The following HECW2 variants were observed in gnomAD, a reference collection of about 807,000 sequenced individuals.
The protein encoded by HECW2 is HECT, C2 and WW domain containing E3 ubiquitin protein ligase 2.
In HECW2, 61 loss-of-function variants were observed where a neutral mutation model predicts 175.2. The ratio of observed to expected loss-of-function variants is 0.35; its 90% CI spans 0.28 to 0.43. HECW2 has a LOEUF of 0.43. HECW2 is among the 20% of genes least tolerant of loss of function. The probability of loss-of-function intolerance (pLI) is 1.00; values close to 1 mark genes in which losing one functional copy is unlikely to be tolerated. For missense variants in HECW2, 1,524 were observed against 2,000.5 expected, an observed-to-expected ratio of 0.76 and a Z score of 4.54; for synonymous variants, 671 against 731.0, an observed-to-expected ratio of 0.92 and a Z score of 1.32.
At chr2:196,449,816 T>A (rs1036294289) in intron 1 of HECW2, among the ~76,000 whole-genome samples, 2 of 150,728 alleles carry the variant, frequency 1.3e-5, no homozygotes, top group Non-Finnish European at 2.9e-5. Context: ...CACTTATCCA[T>A]TACCTCATTA....
intron 1 of HECW2, among the ~76,000 whole-genome samples, chr2:196,454,648 G>T (rs531858000): frequency 6.6e-6 from 1 of 152,152 alleles, no homozygotes; most frequent in Non-Finnish European, 1.5e-5. Flanking sequence ...GTGCAGAGAA[G>T]GTAGCTATTT....
At chr2:196,527,756 G>A (rs780511336) in intron 1 of HECW2, among the ~76,000 whole-genome samples, 2 of 152,202 alleles carry the variant, frequency 1.3e-5, no homozygotes, top group East Asian at 1.9e-4. Flanking sequence ...AGCACGCTTT[G>A]AACCATATTT....
intron 17 of HECW2, among the ~76,000 whole-genome samples, chr2:196,269,819 G>A (rs1234065078): frequency 6.6e-6 from 1 of 152,180 alleles, no homozygotes; most frequent in Non-Finnish European, 1.5e-5. Context: ...ATAGTGTCAA[G>A]ACCAAAGGTT....
At chr2:196,351,802 T>C (rs1292293280) in intron 2 of HECW2, among the ~76,000 whole-genome samples, 3 of 152,236 alleles carry the variant, frequency 2.0e-5, no homozygotes, top group African/African-American at 7.2e-5. Flanking sequence ...GGGAATTAGA[T>C]GCCTGTCTGG....
At chr2:196,592,733 C>G (rs1691248368) in intron 1 of HECW2, 1 of 152,168 alleles carries the variant, frequency 6.6e-6, no homozygotes, top group Non-Finnish European at 1.5e-5. Context: ...AAAGCCACCT[C>G]CCGCCGTCCG....
intron 19 of HECW2, among the ~76,000 whole-genome samples, chr2:196,251,116 T>C (rs1688836633): frequency 6.6e-6 from 1 of 152,120 alleles, no homozygotes; most frequent in Non-Finnish European, 1.5e-5. Context: ...CATGGCTCCC[T>C]GCAGGCTTGA....
chr2:196,475,990 T>C lies in HECW2; in HGVS notation c.-35-42532A>G, dbSNP rs146554019. ...TCGGACCCGCTGTGCCTCACCATGT[T>C]CATCTAGCATAGGACCCTCAATACA... On this transcript the variant is annotated intron_variant, in intron 1 of 28. Transcript: ENST00000644978. 5.9e-4 allele frequency among the ~76,000 whole-genome samples: 90 copies of C among 152,326 alleles called. No homozygotes were observed. The East Asian group carries it at 9.2e-3, about 16-fold the overall frequency.
At chr2:196,305,238 C>T (rs1372348332) in intron 13 of HECW2, among the ~76,000 whole-genome samples, 1 of 152,186 alleles carries the variant, frequency 6.6e-6, no homozygotes. Flanking sequence ...CATCAACAAA[C>T]TTGCGAAGCT....
intron 19 of HECW2, among the ~76,000 whole-genome samples, chr2:196,248,593 G>GACACAC (rs1433125391): frequency 4.8e-5 from 4 of 83,666 alleles, no homozygotes; most frequent in African/African-American, 1.9e-4. Context: ...GAGAGAGACA[G>GACACAC]ACAGACACAC....
intron 1 of HECW2, among the ~76,000 whole-genome samples, chr2:196,461,257 C>T (rs1301068947): frequency 6.6e-6 from 1 of 152,128 alleles, no homozygotes; most frequent in Non-Finnish European, 1.5e-5. Flanking sequence ...AAACCAAAGT[C>T]TGGCATGAAG....
intron 1 of HECW2, among the ~76,000 whole-genome samples, chr2:196,526,995 G>A (rs1461287879): frequency 6.6e-6 from 1 of 152,134 alleles, no homozygotes; most frequent in South Asian, 2.1e-4. Flanking sequence ...TTGAGCTGTG[G>A]TGGGCTCCAC....
intron 2 of HECW2, among the ~76,000 whole-genome samples, chr2:196,415,046 T>G (rs1009937715): frequency 6.6e-6 from 1 of 152,128 alleles, no homozygotes; most frequent in Non-Finnish European, 1.5e-5. Context: ...GTGAGATGCC[T>G]CACTGTCCAA....
At chr2:196,316,938 C>G in intron 10 of HECW2, 1 of 234,798 alleles carries the variant, frequency 4.3e-6, no homozygotes, top group Admixed American at 4.8e-5. Flanking sequence ...ACCAATTTGT[C>G]TATTAGCTGA....
chr2:196,395,772 A>T (rs543718162), intron 2 of HECW2, among the ~76,000 whole-genome samples: 2 of 152,084 alleles, frequency 1.3e-5, no homozygotes, highest in South Asian at 4.2e-4. Context: ...ATCCTTGTGC[A>T]TTGCTGGTAG....
chr2:196,244,532 G>A (rs935529164), intron 19 of HECW2, among the ~76,000 whole-genome samples: 4 of 152,162 alleles, frequency 2.6e-5, no homozygotes, highest in Admixed American at 2.6e-4. Context: ...CTTTGCGGCA[G>A]CCACTCAATG....
intron 1 of HECW2, among the ~76,000 whole-genome samples, chr2:196,487,956 T>C (rs1687063741): frequency 6.6e-6 from 1 of 152,166 alleles, no homozygotes; most frequent in Admixed American, 6.5e-5. Flanking sequence ...TAGTTAAAAA[T>C]AACAAGAATA....
At chr2:196,582,337 G>C (rs1013801551) in intron 1 of HECW2, among the ~76,000 whole-genome samples, 1 of 152,130 alleles carries the variant, frequency 6.6e-6, no homozygotes, top group Admixed American at 6.5e-5. Flanking sequence ...GCACAAGAAG[G>C]TTCCAGCTAT....
At chr2:196,341,275 GAGTGATTTTGCCAAAATCACTCCAAAGGA>G (rs1344890754) in intron 3 of HECW2, among the ~76,000 whole-genome samples, 5 of 148,774 alleles carry the variant, frequency 3.4e-5, no homozygotes, top group South Asian at 2.1e-4. Context: ...CAGCATTTTG[GAGTGATTTTGCCAAAATCACTCCAAAGGA>G]AGTGATTTTA....
At position 196,395,715 on chromosome 2, in the gene HECW2, T is replaced by TAA. The variant is rs1553512651; in HGVS notation, c.292+37415_292+37416dup. The stretch of plus-strand genomic sequence containing the variant: ...TTAGGATGACTATGTTTTTTTTTTT[T>TAA]AAAAAAAGAAAATCATAAATGTTAG... On this transcript the variant is annotated intron_variant, in intron 2 of 28. Transcript: ENST00000644978. Among the ~76,000 whole-genome samples, 1,237 of 150,156 alleles carry TAA rather than the reference T, an allele frequency of 8.2e-3. 23 individuals carry two copies. The highest frequency in any genetic ancestry group is 0.028 in the African/African-American group (1,126 of 40,900).
Sources: allele counts gnomAD v4.1 joint callset (sites outside exome capture counted in the v4.1 genomes callset), GRCh38; gene constraint gnomAD v4.1.1; transcripts MANE v1.5; gene names NCBI Gene and HGNC (gene_info 2026-07-23, HGNC 2026-07-21).